The following ACTR3C variants were observed in gnomAD, a reference collection of about 807,000 sequenced individuals.
The protein encoded by ACTR3C is actin related protein 3C.
A neutral mutation model predicts 26.3 loss-of-function variants in ACTR3C; 18 were observed. The observed-to-expected ratio is 0.68, with a 90% confidence interval of 0.47 to 1.01. ACTR3C has a LOEUF of 1.01. ACTR3C is among the 50% of genes least tolerant of loss of function. The pLI is 0.00. For missense variants in ACTR3C, 184 were observed against 250.7 expected (o/e 0.73, Z 1.80); for synonymous variants, 55 against 94.5 (o/e 0.58, Z 2.42).
At chr7:150,297,867 A>AT (rs1328188720) in intron 1 of ACTR3C, among the ~76,000 whole-genome samples, 1 of 151,482 alleles carries the variant, frequency 6.6e-6, no homozygotes, top group East Asian at 1.9e-4. Context: ...AAAAAAAAAA[A>AT]AAAAAGACTT....
chr7:149,978,179 T>C, the ACTR3C span, among the ~76,000 whole-genome samples: 2 of 152,236 alleles, frequency 1.3e-5, no homozygotes, highest in African/African-American at 4.8e-5. Context: ...CATGTTTAGT[T>C]GGTTTGTATG....
chr7:150,205,618 G>T, the ACTR3C span, among the ~76,000 whole-genome samples: 8,309 of 152,030 alleles, frequency 0.055, 707 homozygotes, highest in African/African-American at 0.19. Context: ...CTTCCATTCT[G>T]CTCCCCAAAG....
the ACTR3C span, among the ~76,000 whole-genome samples, chr7:150,091,610 T>A: frequency 1.2e-3 from 129 of 104,540 alleles, no homozygotes; most frequent in Non-Finnish European, 2.1e-3. Flanking sequence ...ATACCTGGGA[T>A]ATGCTGAAGA....
At chr7:150,004,783 T>C in the ACTR3C span, 1 of 152,332 alleles carries the variant, frequency 6.6e-6, no homozygotes, top group Admixed American at 6.5e-5. Context: ...AAACAAATCA[T>C]AGTGATGGGC....
the ACTR3C span, among the ~76,000 whole-genome samples, chr7:150,041,772 T>C: frequency 7.4e-6 from 1 of 134,474 alleles, no homozygotes; most frequent in Admixed American, 7.2e-5. Flanking sequence ...AGGGACTGGC[T>C]CTCAGTCCCT....
chr7:150,209,918 CAAAA>C, the ACTR3C span, among the ~76,000 whole-genome samples: 2,908 of 62,174 alleles, frequency 0.047, 114 homozygotes, highest in African/African-American at 0.16. Context: ...GACTGGGTCT[CAAAA>C]AAAAAAAAAA....
At chr7:150,257,914 C>T (rs1406736014) in intron 6 of ACTR3C, among the ~76,000 whole-genome samples, 1 of 151,940 alleles carries the variant, frequency 6.6e-6, no homozygotes, top group East Asian at 1.9e-4. Flanking sequence ...TCAAAGGAGT[C>T]CACTCAACAA....
the ACTR3C span, among the ~76,000 whole-genome samples, chr7:149,990,420 T>C: frequency 1.7e-4 from 22 of 128,230 alleles, no homozygotes; most frequent in African/African-American, 6.6e-4. Context: ...GTGGGTCCTG[T>C]GTTTGCTCAG....
At position 150,295,249 on chromosome 7, in the gene ACTR3C, T is replaced by C. The variant is rs767328447; in HGVS notation, c.45+3A>G. 9 of 1,613,946 alleles carry C rather than the reference T, an allele frequency of 5.6e-6. No homozygotes were observed. The highest frequency in any genetic ancestry group is 7.6e-6 in the Non-Finnish European group (9 of 1,179,806). On this transcript the variant is annotated splice_donor_region_variant and intron_variant, in intron 2 of 7. Transcript: ENST00000683684. ...TAGGAATCACAAACATAACTGGTTTTACCTGAACTGCAATGTAGAGTCCTG... is the reference window on the plus strand; with the variant it reads ...TAGGAATCACAAACATAACTGGTTTCACCTGAACTGCAATGTAGAGTCCTG...
the ACTR3C span, among the ~76,000 whole-genome samples, chr7:150,225,912 C>A: frequency 1.3e-5 from 2 of 152,184 alleles, no homozygotes; most frequent in African/African-American, 2.4e-5. Context: ...ACTGTTTTTG[C>A]CATTTTCAGA....
the ACTR3C span, among the ~76,000 whole-genome samples, chr7:149,973,775 C>T: frequency 5.9e-5 from 9 of 151,430 alleles, no homozygotes; most frequent in Non-Finnish European, 8.8e-5. Flanking sequence ...TCCAGGTGTC[C>T]GACCCTTTGA....
At chr7:150,035,611 T>A in the ACTR3C span, among the ~76,000 whole-genome samples, 4 of 129,930 alleles carry the variant, frequency 3.1e-5, 1 homozygote, top group Non-Finnish European at 5.1e-5. Flanking sequence ...GTAAGGTACC[T>A]GCCGTCGGAA....
At chr7:150,158,199 G>C in the ACTR3C span, among the ~76,000 whole-genome samples, 1 of 152,128 alleles carries the variant, frequency 6.6e-6, no homozygotes, top group African/African-American at 2.4e-5. Flanking sequence ...AATGAGTGTT[G>C]GTGAGGACGT....
At chr7:150,201,111 C>G in the ACTR3C span, among the ~76,000 whole-genome samples, 2 of 152,172 alleles carry the variant, frequency 1.3e-5, no homozygotes, top group Non-Finnish European at 2.9e-5. Flanking sequence ...GTCTGCAACC[C>G]TAGTTCCATT....
At chr7:150,260,667 C>T (rs1400668916) in intron 6 of ACTR3C, among the ~76,000 whole-genome samples, 2 of 152,184 alleles carry the variant, frequency 1.3e-5, no homozygotes, top group African/African-American at 2.4e-5. Context: ...CCCTAAGCTT[C>T]GGGGTCTGCG....
At chr7:150,035,302 T>C in the ACTR3C span, among the ~76,000 whole-genome samples, 25 of 39,282 alleles carry the variant, frequency 6.4e-4, 5 homozygotes, top group East Asian at 1.0e-3. Context: ...CTCCCCCCCC[T>C]TGCGATGGGG....
the ACTR3C span, among the ~76,000 whole-genome samples, chr7:149,958,114 AT>A: frequency 6.6e-6 from 1 of 151,978 alleles, no homozygotes; most frequent in Non-Finnish European, 1.5e-5. Context: ...TCCAATTAAT[AT>A]TTCTTTAATA....
At chr7:150,202,646 G>C in the ACTR3C span, among the ~76,000 whole-genome samples, 2 of 152,206 alleles carry the variant, frequency 1.3e-5, no homozygotes, top group East Asian at 3.9e-4. Flanking sequence ...GTTCCAGAAA[G>C]GAAAATACAG....
chr7:149,961,735 G>A, the ACTR3C span, among the ~76,000 whole-genome samples: 1 of 152,110 alleles, frequency 6.6e-6, no homozygotes, highest in Non-Finnish European at 1.5e-5. Context: ...GTGCTCAGAG[G>A]AAGTGTACAC....
Sources: allele counts gnomAD v4.1 joint callset (sites outside exome capture counted in the v4.1 genomes callset), GRCh38; gene constraint gnomAD v4.1.1; transcripts MANE v1.5; gene names NCBI Gene and HGNC (gene_info 2026-07-23, HGNC 2026-07-21).